LRP1B: variants seen among roughly 807,000 people sequenced by gnomAD.
LRP1B encodes low-density lipoprotein receptor-related protein 1B.
LRP1B carries 217 observed loss-of-function variants against 556.6 expected under a neutral mutation model. That is an observed-to-expected ratio of 0.39 (90% CI 0.35 to 0.44). The LOEUF (loss-of-function observed/expected upper bound fraction) is 0.44, where lower values mean the gene tolerates loss of function less well. Among genes scored for constraint, LRP1B ranks in the 20% least tolerant of loss-of-function variants. The probability of loss-of-function intolerance (pLI) is 1.00; values close to 1 mark genes in which losing one functional copy is unlikely to be tolerated. For synonymous variants in LRP1B, 2,047 were observed against 1,865.8 expected, an observed-to-expected ratio of 1.10 and a Z score of -2.50; for missense variants, 5,053 against 5,620.8, an observed-to-expected ratio of 0.90 and a Z score of 3.23.
At chr2:140,347,824 GA>G (rs1681762125) in intron 77 of LRP1B, among the ~76,000 whole-genome samples, 1 of 151,910 alleles carries the variant, frequency 6.6e-6, no homozygotes, top group Non-Finnish European at 1.5e-5. Flanking sequence ...CAAGGGGTGG[GA>G]AAGTCTCCGT....
At chr2:140,881,515 A>T (rs78567418) in intron 25 of LRP1B, among the ~76,000 whole-genome samples, 4,367 of 152,190 alleles carry the variant, frequency 0.029, 189 homozygotes, top group African/African-American at 0.1. Context: ...ATAAAAGCCT[A>T]TCAAATCATG....
chr2:142,113,640 A>ATAAATAACTAAATAAATACTAAC (rs1707083866), intron 1 of LRP1B, among the ~76,000 whole-genome samples: 1 of 151,928 alleles, frequency 6.6e-6, no homozygotes, highest in Non-Finnish European at 1.5e-5. Flanking sequence ...AACTAACTAA[A>ATAAATAACTAAATAAATACTAAC]TAAATAAATA....
intron 1 of LRP1B, among the ~76,000 whole-genome samples, chr2:141,980,554 A>C (rs1702014523): frequency 6.6e-6 from 1 of 152,190 alleles, no homozygotes. Context: ...AGAAACTGGA[A>C]AGATGGTTGT....
intron 7 of LRP1B, among the ~76,000 whole-genome samples, chr2:141,077,338 A>T (rs1357048109): frequency 1.3e-5 from 2 of 152,196 alleles, no homozygotes; most frequent in Non-Finnish European, 2.9e-5. Context: ...TTTATTACAT[A>T]TAGGCCAATT....
At chr2:141,953,894 C>A (rs1701178120) in intron 1 of LRP1B, among the ~76,000 whole-genome samples, 1 of 152,032 alleles carries the variant, frequency 6.6e-6, no homozygotes, top group South Asian at 2.1e-4. Flanking sequence ...TGAGACAGGA[C>A]AATAATGATT....
intron 43 of LRP1B, among the ~76,000 whole-genome samples, chr2:140,560,367 T>A (rs1558968262): frequency 6.6e-6 from 1 of 152,152 alleles, no homozygotes. Flanking sequence ...GATCTGTAGA[T>A]TAATTAATAA....
chr2:141,926,097 C>T (rs553430804), intron 1 of LRP1B, among the ~76,000 whole-genome samples: 1 of 152,280 alleles, frequency 6.6e-6, no homozygotes, highest in Admixed American at 6.5e-5. Context: ...AAATAATCAA[C>T]ATGTAAATAA....
At chr2:141,661,048 T>G (rs355569) in intron 2 of LRP1B, among the ~76,000 whole-genome samples, 83,599 of 151,842 alleles carry the variant, frequency 0.55, 23,330 homozygotes, top group Non-Finnish European at 0.58. Flanking sequence ...GGATCTGGAG[T>G]CGGGGACCAC....
At chr2:140,585,232 G>A (rs1303164278) in intron 43 of LRP1B, among the ~76,000 whole-genome samples, 6 of 151,884 alleles carry the variant, frequency 4.0e-5, no homozygotes, top group African/African-American at 1.2e-4. Flanking sequence ...AAGAATTAAC[G>A]TTTTAACTCC....
intron 43 of LRP1B, among the ~76,000 whole-genome samples, chr2:140,583,478 T>G (rs1468416591): frequency 6.6e-6 from 1 of 151,996 alleles, no homozygotes; most frequent in African/African-American, 2.4e-5. Flanking sequence ...GCCCAGCCAG[T>G]TTCTCCTTTA....
At chr2:140,498,241 T>A (rs892240568) in intron 55 of LRP1B, among the ~76,000 whole-genome samples, 1 of 152,044 alleles carries the variant, frequency 6.6e-6, no homozygotes, top group African/African-American at 2.4e-5. Context: ...TTGAGTTACA[T>A]TAATTTTTAT....
chr2:140,283,248 T>C (rs1682991417), intron 84 of LRP1B, among the ~76,000 whole-genome samples: 1 of 151,790 alleles, frequency 6.6e-6, no homozygotes, highest in Non-Finnish European at 1.5e-5. Context: ...TTATCCTTTT[T>C]TACATTCCTC....
At chr2:141,048,910 T>C in intron 11 of LRP1B, 76 bp downstream of exon 11, 2 of 1,129,440 alleles carry the variant, frequency 1.8e-6, no homozygotes, top group Non-Finnish European at 2.7e-6. Flanking sequence ...AAAGCTAGTC[T>C]GACACACACT....
At chr2:140,303,701 C>T (rs1337178750) in intron 83 of LRP1B, among the ~76,000 whole-genome samples, 2 of 151,880 alleles carry the variant, frequency 1.3e-5, no homozygotes, top group African/African-American at 4.8e-5. Flanking sequence ...GGTAGGTGTG[C>T]ACAACATGCG....
intron 18 of LRP1B, among the ~76,000 whole-genome samples, chr2:140,955,677 A>C (rs1339348640): frequency 6.6e-6 from 1 of 151,756 alleles, no homozygotes; most frequent in African/African-American, 2.4e-5. Flanking sequence ...GTTTCACTTA[A>C]AATTTATTGT....
chr2:141,371,500 C>A (rs1225563083), intron 3 of LRP1B, among the ~76,000 whole-genome samples: 2 of 152,120 alleles, frequency 1.3e-5, no homozygotes, highest in Non-Finnish European at 2.9e-5. Flanking sequence ...TTCTTCCAAT[C>A]CATGACCACG....
At position 140,387,525 on chromosome 2, in the gene LRP1B, A is replaced by G. The variant is rs180728771; in HGVS notation, c.10415-1516T>C. On this transcript the variant is annotated intron_variant, in intron 66 of 90. Transcript: ENST00000389484. ...AAAGTAGGAATTTATATCCAGCTCC[A>G]GCAACATTTTATTAGAGAAATTCTT... Among the ~76,000 whole-genome samples, 99 of 152,320 alleles carry G rather than the reference A, an allele frequency of 6.5e-4. 1 individual carries two copies. The highest frequency in any genetic ancestry group is 2.3e-3 in the African/African-American group (96 of 41,572).
At chr2:140,323,400 G>C (rs1680265336) in intron 81 of LRP1B, among the ~76,000 whole-genome samples, 1 of 151,878 alleles carries the variant, frequency 6.6e-6, no homozygotes, top group South Asian at 2.1e-4. Flanking sequence ...AAGAATGATA[G>C]TTACTTGTTG....
intron 65 of LRP1B, 38 bp from the exon 66 acceptor site, chr2:140,442,661 G>T: frequency 1.2e-6 from 2 of 1,603,402 alleles, no homozygotes; most frequent in South Asian, 1.1e-5. Flanking sequence ...TAGCTTTGGA[G>T]AACATATTTA....
Sources: gnomAD v4.1 joint callset for allele counts (sites outside exome capture counted in the v4.1 genomes callset) on GRCh38, gnomAD v4.1.1 for gene constraint, MANE v1.5 for transcripts, NCBI Gene and HGNC (gene_info 2026-07-23, HGNC 2026-07-21) for gene names.